The following SIK3 variants were observed in gnomAD, a reference collection of about 807,000 sequenced individuals.
The protein encoded by SIK3 is SIK family kinase 3.
Under a neutral mutation model 144.2 loss-of-function variants are expected in SIK3, and 28 were observed. That is an observed-to-expected ratio of 0.19 (90% CI 0.14 to 0.27). The LOEUF is 0.27. SIK3 is among the 10% of genes least tolerant of loss of function. The pLI is 1.00. For synonymous variants in SIK3, 686 were observed against 676.3 expected (o/e 1.01, Z -0.22); for missense variants, 1,319 against 1,776.0 (o/e 0.74, Z 4.62).
intron 21 of SIK3, 114 bp downstream of exon 21, chr11:116,857,696 C>G: frequency 6.9e-7 from 1 of 1,455,542 alleles, no homozygotes; most frequent in Non-Finnish European, 9.1e-7. Flanking sequence ...TCGTGAAGCT[C>G]AGAAATTCTT....
At chr11:117,045,833 A>G (rs951367969) in intron 1 of SIK3, among the ~76,000 whole-genome samples, 10 of 152,244 alleles carry the variant, frequency 6.6e-5, no homozygotes, top group African/African-American at 2.4e-4. Flanking sequence ...TATCCCTTCT[A>G]AAACGCATAT....
chr11:117,098,028 G>A (rs1377668615), intron 1 of SIK3, 115 bp downstream of exon 1: 11 of 1,149,520 alleles, frequency 9.6e-6, no homozygotes, highest in Middle Eastern at 7.0e-4. Context: ...CCGCCTCCCG[G>A]CCCCCAACGC....
At chr11:117,068,432 C>T (rs762634109) in intron 1 of SIK3, among the ~76,000 whole-genome samples, 2 of 152,130 alleles carry the variant, frequency 1.3e-5, no homozygotes, top group East Asian at 3.9e-4. Flanking sequence ...AAAGATGATC[C>T]GAACATCCAC....
At chr11:116,984,050 C>CAAAA (rs35403684) in intron 1 of SIK3, among the ~76,000 whole-genome samples, 2,558 of 80,700 alleles carry the variant, frequency 0.032, 119 homozygotes, top group African/African-American at 0.087. Flanking sequence ...GACCCTGACT[C>CAAAA]AAAAAAAAAA....
chr11:117,029,874 A>T (rs553889711), intron 1 of SIK3, among the ~76,000 whole-genome samples: 1 of 151,782 alleles, frequency 6.6e-6, no homozygotes, highest in African/African-American at 2.4e-5. Context: ...CCCAAAACTC[A>T]GCAGAGATAT....
chr11:117,048,133 A>C, intron 1 of SIK3, among the ~76,000 whole-genome samples: 1 of 152,240 alleles, frequency 6.6e-6, no homozygotes, highest in East Asian at 1.9e-4. Flanking sequence ...ATGGTTCAGA[A>C]TGACCATCTA....
Position 116,857,820 on chromosome 11 carries a change from C to T in SIK3, c.3645G>A (p.Val1215=). ...TGAGGAGACACTTACCTCTGCTGGGCACCTTATTTTTACTGAATGCAGCAG... is the reference window on the plus strand; with the variant it reads ...TGAGGAGACACTTACCTCTGCTGGGTACCTTATTTTTACTGAATGCAGCAG... ...QPTAAFSKNK[V]PSREPVIGNC... is the part of the protein sequence containing the mutation. Residue 1215 remains valine (V), a synonymous_variant, in exon 21 of 25, where the codon GTG becomes GTA. Transcript: ENST00000445177. 1 of 1,614,088 alleles carries T rather than the reference C, an allele frequency of 6.2e-7. No individual in the cohort carries two copies. Among genetic ancestry groups the T allele is most frequent in the South Asian group, 1.1e-5 (1 of 91,060 alleles).
intron 4 of SIK3, among the ~76,000 whole-genome samples, chr11:116,903,758 AT>A (rs202003979): frequency 1.3e-5 from 2 of 151,848 alleles, no homozygotes; most frequent in African/African-American, 2.4e-5. Context: ...TTTAAAAAAA[AT>A]TTTTTTGTAG....
chr11:116,873,500 G>A lies in SIK3; in HGVS notation c.1718C>T (p.Pro573Leu), dbSNP rs541970754. The change falls in exon 13 of 25, where the codon CCG becomes CTG. Residue 573 changes from proline (P) to leucine (L), a missense_variant. By Grantham distance (98) the Pro-to-Leu change is moderately conservative. Coordinates refer to ENST00000445177, the MANE Select transcript of SIK3 (RefSeq NM_001366686.3). ...ACTCACTGGTGTCATGGTGACAAGC[G>A]GAGAGGGTCCCCGTGGGCGCTTCAG... The part of the protein sequence containing the change: ...QLLKRPRGPS[P>L]LVTMTPAVPA... 3.7e-5 allele frequency: 60 copies of A among 1,614,074 alleles called. No homozygotes were observed. The highest frequency in any genetic ancestry group is 1.3e-4 in the East Asian group (6 of 44,870).
rs1947809818 is a variant in SIK3 at position 116,934,705 on chromosome 11, G to A, written c.455-7325C>T. 2.0e-5 allele frequency among the ~76,000 whole-genome samples: 3 copies of A among 152,144 alleles called. No individual in the cohort carries two copies. In the South Asian group the frequency reaches 6.2e-4, roughly 31 times the overall value. Reference sequence around the variant, plus strand: ...AATTATAGATTAGGCCAGGCATGGTGGTTCACACCTATAATCCCCGCACTT... The same window carrying A: ...AATTATAGATTAGGCCAGGCATGGTAGTTCACACCTATAATCCCCGCACTT... On this transcript the variant is annotated intron_variant, in intron 3 of 24. Coordinates refer to ENST00000445177, the MANE Select transcript of SIK3 (RefSeq NM_001366686.3).
At chr11:117,038,254 A>C (rs1952596032) in intron 1 of SIK3, among the ~76,000 whole-genome samples, 1 of 152,150 alleles carries the variant, frequency 6.6e-6, no homozygotes, top group Non-Finnish European at 1.5e-5. Context: ...GCTCAACCAA[A>C]CAAAGAACCA....
chr11:116,874,201 C>G (rs1219793301), intron 11 of SIK3, 145 bp from the exon 12 acceptor site: 1 of 862,222 alleles, frequency 1.2e-6, no homozygotes, highest in South Asian at 1.7e-5. Context: ...GATCCTAAAG[C>G]AAAGCAAAAG....
intron 1 of SIK3, among the ~76,000 whole-genome samples, chr11:116,967,247 T>C (rs1472718536): frequency 1.3e-5 from 2 of 152,188 alleles, no homozygotes; most frequent in Non-Finnish European, 2.9e-5. Flanking sequence ...AAGAACAGCA[T>C]TTGTCAAGAA....
intron 1 of SIK3, among the ~76,000 whole-genome samples, chr11:117,088,600 G>A (rs943191441): frequency 2.6e-5 from 4 of 152,084 alleles, no homozygotes; most frequent in African/African-American, 7.2e-5. Context: ...TTAAAATTCC[G>A]GCCCCCACAG....
At chr11:117,048,263 T>C (rs1169356892) in intron 1 of SIK3, among the ~76,000 whole-genome samples, 1 of 152,192 alleles carries the variant, frequency 6.6e-6, no homozygotes, top group Non-Finnish European at 1.5e-5. Flanking sequence ...AAGTAGGCCA[T>C]TGGTGAAAAT....
intron 1 of SIK3, among the ~76,000 whole-genome samples, chr11:117,018,469 A>G (rs558675534): frequency 6.6e-6 from 1 of 152,318 alleles, no homozygotes; most frequent in African/African-American, 2.4e-5. Context: ...TGTTGACTTC[A>G]TCCTAAACTG....
intron 13 of SIK3, among the ~76,000 whole-genome samples, chr11:116,872,618 A>AAAAT (rs1049897626): frequency 6.6e-6 from 1 of 152,266 alleles, no homozygotes; most frequent in Non-Finnish European, 1.5e-5. Flanking sequence ...GCAATTTAAA[A>AAAAT]AAATAAATAA....
rs534049287 is a variant in SIK3 at position 116,862,139 on chromosome 11, C to T, written c.2229+63G>A. 4.9e-5 allele frequency: 79 copies of T among 1,611,070 alleles called. 1 individual carries two copies. The highest frequency in any genetic ancestry group is 5.9e-5 in the Non-Finnish European group (69 of 1,177,776). On this transcript the variant is annotated intron_variant, in intron 17 of 24. Coordinates refer to ENST00000445177, the MANE Select transcript of SIK3 (RefSeq NM_001366686.3). ...ACTGAGTGGTCTCCTCCAAAATGCA[C>T]AGGCAAATCAGCCTGAAAGCAAACT...
chr11:117,091,768 T>A (rs1270092048), intron 1 of SIK3, among the ~76,000 whole-genome samples: 1 of 152,140 alleles, frequency 6.6e-6, no homozygotes, highest in Non-Finnish European at 1.5e-5. Flanking sequence ...ATAACCAGCA[T>A]GAGTTGCTGT....
Sources: gnomAD v4.1 joint callset for allele counts (sites outside exome capture counted in the v4.1 genomes callset) on GRCh38, gnomAD v4.1.1 for gene constraint, MANE v1.5 for transcripts, NCBI Gene and HGNC (gene_info 2026-07-23, HGNC 2026-07-21) for gene names.